The following ADGRV1 variants were observed in gnomAD, a reference collection of about 807,000 sequenced individuals.
The protein encoded by ADGRV1 is G-protein coupled receptor 98.
ADGRV1 carries 359 observed loss-of-function variants against 596.2 expected under a neutral mutation model. The ratio of observed to expected loss-of-function variants is 0.60; its 90% CI spans 0.55 to 0.66. ADGRV1 has a LOEUF of 0.66. Ranked by LOEUF, ADGRV1 falls within the 30% of genes least tolerant of loss-of-function variation. ADGRV1 has a pLI of 0.00. For synonymous variants in ADGRV1, 2,681 were observed against 2,679.2 expected (o/e 1.00, Z -0.02); for missense variants, 7,274 against 7,575.6 (o/e 0.96, Z 1.48).
Position 90,725,540 on chromosome 5 carries a change from T to C in ADGRV1, c.10054-9T>C. On this transcript the variant is annotated splice_polypyrimidine_tract_variant and intron_variant, in intron 47 of 89. Coordinates refer to ENST00000405460, the MANE Select transcript of ADGRV1 (RefSeq NM_032119.4). ...CCTTTAAGTTTTCATTCCCACTCTGTCCTTGCAGGTACAAACAATCATTAT... is the reference window on the plus strand; with the variant it reads ...CCTTTAAGTTTTCATTCCCACTCTGCCCTTGCAGGTACAAACAATCATTAT... 1 of 1,381,746 alleles carries C rather than the reference T, an allele frequency of 7.2e-7. No individual in the cohort carries two copies. Among genetic ancestry groups the C allele is most frequent in the African/African-American group, 1.4e-5 (1 of 70,486 alleles). 85.6% of individuals were successfully genotyped at this position (1,381,746 alleles called of 1,614,324 possible).
intron 85 of ADGRV1, among the ~76,000 whole-genome samples, chr5:91,024,602 G>A (rs553640502): frequency 5.9e-5 from 9 of 152,010 alleles, no homozygotes; most frequent in South Asian, 4.2e-4. Context: ...GCCCCTGATC[G>A]TAGGCATACT....
At chr5:91,082,426 A>G (rs372001006) in intron 86 of ADGRV1, among the ~76,000 whole-genome samples, 34 of 152,260 alleles carry the variant, frequency 2.2e-4, no homozygotes, top group African/African-American at 8.2e-4. Context: ...TCCTGGGCTC[A>G]AGAGATACTC....
chr5:90,740,941 A>G (rs1037932115), intron 50 of ADGRV1, among the ~76,000 whole-genome samples: 1 of 152,152 alleles, frequency 6.6e-6, no homozygotes. Flanking sequence ...CTGTGGTCCA[A>G]GGGGTTGTTT....
At chr5:91,013,347 C>G (rs1011124515) in intron 85 of ADGRV1, among the ~76,000 whole-genome samples, 2 of 152,066 alleles carry the variant, frequency 1.3e-5, no homozygotes, top group African/African-American at 4.8e-5. Flanking sequence ...TAATTGTCCC[C>G]TTTTCTTGGC....
intron 85 of ADGRV1, among the ~76,000 whole-genome samples, chr5:91,013,960 G>T (rs1220401351): frequency 6.6e-6 from 1 of 151,812 alleles, no homozygotes; most frequent in African/African-American, 2.4e-5. Context: ...TATTGAATAG[G>T]GAGTCTTTTC....
At chr5:90,940,726 C>T (rs1052022158) in intron 83 of ADGRV1, among the ~76,000 whole-genome samples, 3 of 152,096 alleles carry the variant, frequency 2.0e-5, no homozygotes, top group Admixed American at 6.5e-5. Flanking sequence ...AGGCTGGAGC[C>T]AGCCAGTTTG....
chr5:90,667,944 A>C (rs1187445531), intron 21 of ADGRV1, among the ~76,000 whole-genome samples: 1 of 150,304 alleles, frequency 6.7e-6, no homozygotes, highest in Non-Finnish European at 1.5e-5. Flanking sequence ...TCAGGCACCC[A>C]CTTGAGGAGG....
chr5:90,602,689 G>A (rs1426167198), intron 1 of ADGRV1, among the ~76,000 whole-genome samples: 1 of 152,222 alleles, frequency 6.6e-6, no homozygotes, highest in African/African-American at 2.4e-5. Flanking sequence ...GTAATGTGGT[G>A]TCCTGGATGT....
At chr5:90,944,484 C>T (rs1334580145) in intron 83 of ADGRV1, among the ~76,000 whole-genome samples, 1 of 152,034 alleles carries the variant, frequency 6.6e-6, no homozygotes, top group Non-Finnish European at 1.5e-5. Context: ...AAAGAGATAA[C>T]CAAGGTTGTA....
intron 1 of ADGRV1, among the ~76,000 whole-genome samples, chr5:90,580,733 T>C (rs1275782478): frequency 6.6e-6 from 1 of 152,198 alleles, no homozygotes; most frequent in African/African-American, 2.4e-5. Context: ...CATTTCATCC[T>C]TGGTGAATCT....
In ADGRV1 at chr5:90,697,082, C is replaced by T. The variant is rs556164327; in HGVS notation, c.8091C>T (p.Ala2697=). Residue 2697 remains alanine, a synonymous_variant, in exon 34 of 90, where the codon GCC becomes GCT. Transcript: ENST00000405460. ...SSDTVRVNIL[A]NDNVAGIVSF... ...ACACTGTTAGAGTGAACATTTTGGCCAATGACAATGTGGCAGGAATTGTTA... is the reference window on the plus strand; with the variant it reads ...ACACTGTTAGAGTGAACATTTTGGCTAATGACAATGTGGCAGGAATTGTTA... 310 of 1,613,252 alleles carry T rather than the reference C, an allele frequency of 1.9e-4. 4 individuals are homozygous for T. The South Asian group carries it at 3.2e-3, about 17-fold the overall frequency.
intron 87 of ADGRV1, among the ~76,000 whole-genome samples, chr5:91,116,805 A>G (rs1792885889): frequency 6.6e-6 from 1 of 152,188 alleles, no homozygotes; most frequent in Non-Finnish European, 1.5e-5. Flanking sequence ...ATAAAGTGGT[A>G]ATATAGTCAA....
At chr5:90,745,462 A>C (rs1561645530) in intron 51 of ADGRV1, 129 bp from the exon 52 acceptor site, 2 of 769,584 alleles carry the variant, frequency 2.6e-6, no homozygotes, top group East Asian at 5.4e-5. Context: ...ATTTTGGATT[A>C]AAATTTTCGT....
chr5:91,034,133 G>T (rs1784684954), intron 85 of ADGRV1, among the ~76,000 whole-genome samples: 1 of 151,988 alleles, frequency 6.6e-6, no homozygotes, highest in East Asian at 1.9e-4. Context: ...TAATGTGATT[G>T]CTTTCTGTCC....
intron 83 of ADGRV1, among the ~76,000 whole-genome samples, chr5:90,945,117 C>G (rs746776768): frequency 6.6e-6 from 1 of 152,034 alleles, no homozygotes; most frequent in Non-Finnish European, 1.5e-5. Context: ...ATTACAGATG[C>G]CTTCAGTTCA....
intron 83 of ADGRV1, among the ~76,000 whole-genome samples, chr5:90,916,631 A>ATT (rs11407284): frequency 0.033 from 4,107 of 124,600 alleles, 274 homozygotes; most frequent in African/African-American, 0.087. Context: ...GCGTTCACAA[A>ATT]TTTTTTTTTT....
chr5:91,064,576 T>A (rs991043197), intron 85 of ADGRV1, among the ~76,000 whole-genome samples: 1 of 152,234 alleles, frequency 6.6e-6, no homozygotes, highest in Non-Finnish European at 1.5e-5. Context: ...TTTGCTTTCT[T>A]AATGTTCCAT....
intron 29 of ADGRV1, among the ~76,000 whole-genome samples, chr5:90,687,668 A>G (rs1397251573): frequency 1.3e-5 from 2 of 152,152 alleles, no homozygotes; most frequent in African/African-American, 2.4e-5. Context: ...TCAGCGCAAA[A>G]TCTCCTTAAG....
At chr5:90,629,567 T>G (rs1216554564) in intron 9 of ADGRV1, 28 bp downstream of exon 9, 1 of 1,511,150 alleles carries the variant, frequency 6.6e-7, no homozygotes, top group East Asian at 2.3e-5. Context: ...ATAATCGTAA[T>G]TTTGGTTAAC....
Sources: gnomAD v4.1 joint callset for allele counts (sites outside exome capture counted in the v4.1 genomes callset) on GRCh38, gnomAD v4.1.1 for gene constraint, MANE v1.5 for transcripts, NCBI Gene and HGNC (gene_info 2026-07-23, HGNC 2026-07-21) for gene names.